Variants in HDAC6 observed in about 807,000 individuals in gnomAD.
HDAC6 encodes histone deacetylase 6, also known as protein deacetylase HDAC6.
A neutral mutation model predicts 88.9 loss-of-function variants in HDAC6; 5 were observed. The observed-to-expected ratio is 0.06, with a 90% CI of 0.03 to 0.12. The LOEUF is 0.12. HDAC6 is among the 10% of genes least tolerant of loss of function. The pLI, the probability that HDAC6 is intolerant of heterozygous loss-of-function variation, is 1.00. For synonymous variants in HDAC6, 378 were observed against 398.0 expected (o/e 0.95, Z 0.60); for missense variants, 706 against 1,014.4 (o/e 0.70, Z 4.13).
intron 19 of HDAC6, 100 bp from the exon 20 acceptor site, chrX:48,817,226 T>C (rs782099901): frequency 3.2e-6 from 3 of 944,799 alleles, no homozygotes; most frequent in Non-Finnish European, 4.1e-6. Context: ...CATTCCAGCC[T>C]GGGCGACAGA....
At chrX:48,823,813 G>A in intron 26 of HDAC6, 28 bp downstream of exon 26, 1 of 1,192,691 alleles carries the variant, frequency 8.4e-7, no homozygotes. Flanking sequence ...CTGGGACTGT[G>A]GCTTCCTTCT....
intron 20 of HDAC6, 152 bp from the exon 21 acceptor site, chrX:48,817,889 T>C (rs2063015034): frequency 3.8e-6 from 2 of 526,787 alleles, no homozygotes; most frequent in South Asian, 5.8e-5. Flanking sequence ...CGGGCAGCCC[T>C]TGGGAACCAG....
At chrX:48,821,454 G>A (rs1160574008) in intron 23 of HDAC6, among the ~76,000 whole-genome samples, 1 of 99,475 alleles carries the variant, frequency 1.0e-5, no homozygotes, top group Non-Finnish European at 2.0e-5. Flanking sequence ...GCCTCCCAAA[G>A]TGTTGGGATT....
At position 48,815,019 on chromosome X, in the gene HDAC6, C is replaced by G. The variant is rs782037409; in HGVS notation, c.1117C>G (p.Leu373Val). The G allele has an allele frequency of 1.8e-5, 22 of 1,202,272 alleles. No homozygotes were observed. The highest frequency in any genetic ancestry group is 2.4e-5 in the Non-Finnish European group (21 of 890,912). Residue 373 changes from leucine to valine, a missense_variant, in exon 14 of 29, where the codon CTG (leucine) becomes GTG (valine). Physicochemically the swap from Leu to Val is conservative, Grantham distance 32. Transcript: ENST00000334136. ...FAQLTHLLMG[L>V]AGGKLILSLE... Reference sequence around the variant, plus strand: ...CCAGCTAACCCACCTGCTCATGGGTCTGGCAGGAGGCAAGCTGATCCTGTC... The same window carrying G: ...CCAGCTAACCCACCTGCTCATGGGTGTGGCAGGAGGCAAGCTGATCCTGTC...
intron 22 of HDAC6, chrX:48,819,850 C>T (rs1182026870): frequency 2.2e-6 from 1 of 463,793 alleles, no homozygotes; most frequent in Non-Finnish European, 3.9e-6. Flanking sequence ...CCCATCTGTC[C>T]CTTTCTGCCA....
In HDAC6 at chrX:48,805,445, G is replaced by A. The variant is rs782611978; in HGVS notation, c.319G>A (p.Glu107Lys). The A allele has an allele frequency of 9.1e-6, 11 of 1,207,469 alleles. No individual in the cohort carries two copies. The highest frequency in any genetic ancestry group is 1.2e-5 in the Non-Finnish European group (11 of 892,303). The change falls in exon 5 of 29, where the codon GAA becomes AAA. Residue 107 changes from glutamate to lysine, a missense_variant. Glu to Lys is a moderately conservative substitution (Grantham distance 56). This residue lies in a region of HDAC6 where 193 missense variants were observed against 258.2 expected (regional missense o/e 0.75). Coordinates refer to ENST00000334136, the MANE Select transcript of HDAC6 (RefSeq NM_006044.4). ...GTGACTCCATCTCCCCAGCTTCCCG[G>A]AAGGCCCTGAGCGGCTCCATGCCAT... ...FHCLWDDSFP[E>K]GPERLHAIKE...
intron 10 of HDAC6, chrX:48,814,140 G>A: frequency 3.4e-6 from 1 of 296,074 alleles, no homozygotes; most frequent in African/African-American, 2.7e-5. Flanking sequence ...GGGCAGCGAT[G>A]TTTGCTGAGG....
chrX:48,819,291 A>G (rs2063040817), intron 22 of HDAC6, among the ~76,000 whole-genome samples: 1 of 112,123 alleles, frequency 8.9e-6, no homozygotes, highest in African/African-American at 3.2e-5. Context: ...ACTGATCTAT[A>G]TGGTACTGTC....
chrX:48,824,238 A>G lies in HDAC6; in HGVS notation c.3523A>G (p.Ser1175Gly). The G allele has an allele frequency of 1.7e-6, 2 of 1,211,200 alleles. No homozygotes were observed. The highest frequency in any genetic ancestry group is 2.2e-6 in the Non-Finnish European group (2 of 895,200). ...AAATTCTGGACACCCGCTGGTCCTC[A>G]GCTACATCGACCTGTCAGCCTGGTG... ...HGNSGHPLVL[S>G]YIDLSAWCYY... Residue 1175 changes from serine (S) to glycine (G), a missense_variant, in exon 28 of 29, where the codon AGC (serine) becomes GGC (glycine). Transcript: ENST00000334136.
upstream of HDAC6, chrX:48,801,851 C>G: frequency 2.1e-6 from 2 of 971,805 alleles, no homozygotes; most frequent in Non-Finnish European, 2.6e-6. Context: ...AAAAGAAAAG[C>G]CTGAGCGCTC....
chrX:48,806,250 A>G (rs2062815282), intron 6 of HDAC6, 118 bp from the exon 7 acceptor site: 6 of 494,869 alleles, frequency 1.2e-5, no homozygotes, highest in Admixed American at 2.9e-5. Flanking sequence ...TATCCTGGCT[A>G]TTCCTTCAGG....
chrX:48,808,236 C>A, intron 9 of HDAC6, 22 bp from the exon 10 acceptor site: 1 of 1,190,143 alleles, frequency 8.4e-7, no homozygotes, highest in Non-Finnish European at 1.1e-6. Context: ...TGCACAGAGT[C>A]CCCTCTCTCT....
chrX:48,803,329 T>A lies in HDAC6; in HGVS notation c.311+113T>A, dbSNP rs782534516. The A allele has an allele frequency of 6.4e-5, 38 of 591,219 alleles. No homozygotes were observed. In the African/African-American group the frequency reaches 8.1e-4, roughly 13 times the overall value. 48.7% of individuals were successfully genotyped at this position (591,219 alleles called of 1,213,427 possible). On this transcript the variant is annotated intron_variant, in intron 4 of 28. Transcript: ENST00000334136. ...AGCCTGGATACTGGAAGCAGATGATTTGGGGAGGTAGGGCTCACACTTGAA... is the reference window on the plus strand; with the variant it reads ...AGCCTGGATACTGGAAGCAGATGATATGGGGAGGTAGGGCTCACACTTGAA...
chrX:48,816,370 T>C, intron 18 of HDAC6, 95 bp from the exon 19 acceptor site: 2 of 1,126,448 alleles, frequency 1.8e-6, no homozygotes, highest in Non-Finnish European at 2.4e-6. Flanking sequence ...GCTGCAGGAC[T>C]TGAGAGGGGC....
rs377538109 is a variant in HDAC6 at position 48,806,424 on chromosome X, G to A, written c.494G>A (p.Arg165His). ...CAGTACATGAATGAGGGAGAACTCC[G>A]TGTCCTAGCAGACACCTACGACTCA... is the stretch of plus-strand genomic sequence containing the variant. ...TTQYMNEGEL[R>H]VLADTYDSVY... The change falls in exon 7 of 29, where the codon CGT (arginine) becomes CAT (histidine). Residue 165 changes from arginine to histidine, a missense_variant. Physicochemically the swap from Arg to His is conservative, Grantham distance 29 (BLOSUM62 0). Coordinates refer to ENST00000334136, the MANE Select transcript of HDAC6 (RefSeq NM_006044.4). 103 of 1,197,684 alleles carry A rather than the reference G, an allele frequency of 8.6e-5. No homozygotes were observed. The highest frequency in any genetic ancestry group is 7.8e-4 in the South Asian group (44 of 56,568).
chrX:48,815,188 T>C (rs1275853218), intron 14 of HDAC6, 137 bp downstream of exon 14: 16 of 589,738 alleles, frequency 2.7e-5, no homozygotes, highest in Non-Finnish European at 3.9e-5. Context: ...TTCACTTCTT[T>C]GTGCCTCCGC....
intron 14 of HDAC6, 81 bp from the exon 15 acceptor site, chrX:48,815,303 C>G (rs886515189): frequency 2.7e-6 from 2 of 738,388 alleles, no homozygotes; most frequent in Non-Finnish European, 4.1e-6. Flanking sequence ...GTGGTATGCA[C>G]TCTCTTATTA....
intron 10 of HDAC6, 75 bp downstream of exon 10, chrX:48,808,401 C>T: frequency 1.4e-6 from 1 of 729,571 alleles, no homozygotes; most frequent in South Asian, 2.6e-5. Flanking sequence ...AGAAGGGGTC[C>T]AGAAGGAGGA....
In HDAC6 at chrX:48,817,187, G is replaced by A. The variant is rs373500301; in HGVS notation, c.1792-139G>A. On this transcript the variant is annotated intron_variant, in intron 19 of 28. Coordinates refer to ENST00000334136, the MANE Select transcript of HDAC6 (RefSeq NM_006044.4). ...GAATGGCGGGAACCTGGCAGGCGGC[G>A]CTTGCAGTGAGCCGAGATGGCGCCA... is the stretch of plus-strand genomic sequence containing the variant. 407 of 684,203 alleles carry A rather than the reference G, an allele frequency of 5.9e-4. 2 individuals are homozygous for A. Among genetic ancestry groups the A allele is most frequent in the East Asian group, 5.7e-3 (139 of 24,378 alleles). 56.4% of individuals were successfully genotyped at this position (684,203 alleles called of 1,213,427 possible). A position where few individuals can be genotyped will look rare whatever the true frequency, so the allele number is the denominator to read the frequency against.
Sources: allele counts gnomAD v4.1 joint callset (sites outside exome capture counted in the v4.1 genomes callset), GRCh38; gene constraint gnomAD v4.1.1; regional missense constraint gnomAD v4.1.1; transcripts MANE v1.5; gene names NCBI Gene and HGNC (gene_info 2026-07-23, HGNC 2026-07-21).